Variants in PLCB1 observed in about 807,000 individuals in gnomAD.
PLCB1 encodes the protein phospholipase C beta 1.
In PLCB1, 46 loss-of-function variants were observed where a neutral mutation model predicts 161.8. That is an observed-to-expected ratio of 0.28 (90% confidence interval 0.22 to 0.36). The LOEUF (loss-of-function observed/expected upper bound fraction) is 0.36, where lower values mean the gene tolerates loss of function less well. Among genes scored for constraint, PLCB1 ranks in the 10% least tolerant of loss-of-function variants. The pLI, the probability that PLCB1 is intolerant of heterozygous loss-of-function variation, is 1.00. For missense variants in PLCB1, 1,016 were observed against 1,472.5 expected (o/e 0.69, Z 5.07); for synonymous variants, 517 against 503.7 (o/e 1.03, Z -0.35).
chr20:8,639,130 G>A (rs1290157582), intron 4 of PLCB1, among the ~76,000 whole-genome samples: 2 of 152,314 alleles, frequency 1.3e-5, no homozygotes, highest in Non-Finnish European at 1.5e-5. Context: ...ATGTTGCAAA[G>A]GTGCAGTGGG....
intron 23 of PLCB1, among the ~76,000 whole-genome samples, chr20:8,754,526 G>C (rs979569024): frequency 1.3e-5 from 2 of 151,956 alleles, no homozygotes; most frequent in Non-Finnish European, 2.9e-5. Flanking sequence ...CTGTCACATT[G>C]GGAAGAATCT....
chr20:8,601,055 C>T (rs921091393), intron 3 of PLCB1, among the ~76,000 whole-genome samples: 1 of 152,082 alleles, frequency 6.6e-6, no homozygotes, highest in Non-Finnish European at 1.5e-5. Flanking sequence ...AGAAATCACC[C>T]GTCTTCTGCG....
At chr20:8,594,601 T>G (rs1987263417) in intron 3 of PLCB1, among the ~76,000 whole-genome samples, 1 of 151,812 alleles carries the variant, frequency 6.6e-6, no homozygotes, top group African/African-American at 2.4e-5. Flanking sequence ...AGCAAAGTTC[T>G]GAGAGCACTG....
chr20:8,374,420 T>C (rs972799190), intron 3 of PLCB1, among the ~76,000 whole-genome samples: 1 of 152,194 alleles, frequency 6.6e-6, no homozygotes, highest in Non-Finnish European at 1.5e-5. Context: ...AAGTTCTTTA[T>C]AGCAGTGTGA....
chr20:8,392,877 T>C (rs1046055657), intron 3 of PLCB1, among the ~76,000 whole-genome samples: 1 of 152,218 alleles, frequency 6.6e-6, no homozygotes, highest in Non-Finnish European at 1.5e-5. Context: ...TTTTCGTAGA[T>C]GAAAGAATTC....
chr20:8,133,089 C>T (rs568519315), intron 1 of PLCB1, among the ~76,000 whole-genome samples: 1 of 152,216 alleles, frequency 6.6e-6, no homozygotes, highest in Non-Finnish European at 1.5e-5. Flanking sequence ...GAAGTTGGGA[C>T]CAACTGGAAA....
chr20:8,679,990 G>A (rs928965488), intron 9 of PLCB1, among the ~76,000 whole-genome samples: 2 of 152,162 alleles, frequency 1.3e-5, no homozygotes, highest in Admixed American at 6.5e-5. Context: ...AGAGGAGACT[G>A]AGGCATCCAT....
intron 2 of PLCB1, among the ~76,000 whole-genome samples, chr20:8,247,806 C>A (rs2123216715): frequency 6.6e-6 from 1 of 151,942 alleles, no homozygotes; most frequent in South Asian, 2.1e-4. Flanking sequence ...GTGCAGACGT[C>A]CTTGTGTTTC....
intron 2 of PLCB1, chr20:8,306,329 G>A (rs1455246468): frequency 6.6e-6 from 1 of 152,180 alleles, no homozygotes; most frequent in African/African-American, 2.4e-5. Flanking sequence ...AGAGGTTCCA[G>A]TTGGACTCCT....
intron 4 of PLCB1, among the ~76,000 whole-genome samples, chr20:8,644,276 C>G (rs1490268319): frequency 1.3e-5 from 2 of 151,542 alleles, no homozygotes; most frequent in East Asian, 4.0e-4. Context: ...ACATGAGGAG[C>G]CCCTCTGCCT....
intron 3 of PLCB1, among the ~76,000 whole-genome samples, chr20:8,493,086 C>T (rs1025070274): frequency 6.6e-6 from 1 of 151,984 alleles, no homozygotes; most frequent in Admixed American, 6.6e-5. Context: ...ATGGGGACCC[C>T]AAGATCCCCT....
chr20:8,827,119 T>C (rs1050004678), intron 31 of PLCB1, among the ~76,000 whole-genome samples: 1 of 152,340 alleles, frequency 6.6e-6, no homozygotes, highest in East Asian at 1.9e-4. Flanking sequence ...TACTATATGA[T>C]AGTTTTCATT....
chr20:8,802,307 G>A, intron 31 of PLCB1: 1 of 577,208 alleles, frequency 1.7e-6, no homozygotes, highest in Non-Finnish European at 3.1e-6. Context: ...TTCTGCTAAA[G>A]TTCCCAGCCA....
At chr20:8,756,939 C>T in intron 23 of PLCB1, 107 bp from the exon 24 acceptor site, 5 of 1,068,928 alleles carry the variant, frequency 4.7e-6, no homozygotes, top group Non-Finnish European at 6.7e-6. Context: ...ATATTTCCAA[C>T]TCCAAAAGAA....
intron 31 of PLCB1, among the ~76,000 whole-genome samples, chr20:8,809,569 A>G (rs1984711283): frequency 1.3e-5 from 2 of 152,160 alleles, no homozygotes; most frequent in African/African-American, 2.4e-5. Context: ...AGAGCCGTAT[A>G]TTAATCATTT....
At chr20:8,512,756 G>A (rs759442458) in intron 3 of PLCB1, among the ~76,000 whole-genome samples, 4 of 152,068 alleles carry the variant, frequency 2.6e-5, no homozygotes, top group Admixed American at 6.6e-5. Flanking sequence ...GAGTAAATCC[G>A]ACTAATATAT....
At chr20:8,163,332 T>G (rs2051644502) in intron 2 of PLCB1, among the ~76,000 whole-genome samples, 1 of 152,160 alleles carries the variant, frequency 6.6e-6, no homozygotes, top group African/African-American at 2.4e-5. Context: ...GGGGTTATTT[T>G]CTCAGCTCTT....
intron 2 of PLCB1, among the ~76,000 whole-genome samples, chr20:8,210,190 G>T (rs1056885553): frequency 6.6e-6 from 1 of 151,782 alleles, no homozygotes; most frequent in African/African-American, 2.4e-5. Context: ...ATGTGTCTGG[G>T]GTGAAAATTA....
At chr20:8,585,937 C>T (rs1986974364) in intron 3 of PLCB1, among the ~76,000 whole-genome samples, 1 of 152,076 alleles carries the variant, frequency 6.6e-6, no homozygotes, top group African/African-American at 2.4e-5. Context: ...TTATTTTTCC[C>T]GTTAGATTGT....
Sources: allele counts gnomAD v4.1 joint callset (sites outside exome capture counted in the v4.1 genomes callset), GRCh38; gene constraint gnomAD v4.1.1; transcripts MANE v1.5; gene names NCBI Gene and HGNC (gene_info 2026-07-23, HGNC 2026-07-21).